The following AHCYL2 variants were observed in gnomAD, a reference collection of about 807,000 sequenced individuals.
The protein encoded by AHCYL2 is adenosylhomocysteinase like 2, also known as S-adenosylhomocysteine hydrolase-like protein 2.
Under a neutral mutation model 81.4 loss-of-function variants are expected in AHCYL2, and 28 were observed. The observed-to-expected ratio is 0.34, with a 90% confidence interval of 0.25 to 0.47. The LOEUF is 0.47. Among genes scored for constraint, AHCYL2 ranks in the 20% least tolerant of loss-of-function variants. The probability of loss-of-function intolerance (pLI) is 1.00; values close to 1 mark genes in which losing one functional copy is unlikely to be tolerated. For missense variants in AHCYL2, 551 were observed against 785.1 expected (o/e 0.70, Z 3.56); for synonymous variants, 272 against 290.2 (o/e 0.94, Z 0.64).
Position 129,337,165 on chromosome 7 carries a change from C to T in AHCYL2, c.364-42473C>T, listed in dbSNP as rs138520119. The stretch of plus-strand genomic sequence containing the variant: ...GTTTTTTATCATCTCTTCTCCCCTA[C>T]TTGCCCAGTTTTCCCCTAAGGCTAT... On this transcript the variant is annotated intron_variant, in intron 1 of 16. Coordinates refer to ENST00000325006, the MANE Select transcript of AHCYL2 (RefSeq NM_015328.4). 6.7e-4 allele frequency among the ~76,000 whole-genome samples: 102 copies of T among 152,310 alleles called. No homozygotes were observed. In the East Asian group the frequency reaches 0.018, roughly 26 times the overall value.
intron 1 of AHCYL2, among the ~76,000 whole-genome samples, chr7:129,284,453 G>T (rs1796555895): frequency 6.6e-6 from 1 of 152,096 alleles, no homozygotes; most frequent in African/African-American, 2.4e-5. Flanking sequence ...AAAAAAATTA[G>T]CTGGGCATGG....
chr7:129,268,803 C>T lies in AHCYL2; in HGVS notation c.363+43364C>T, dbSNP rs189062036. Among the ~76,000 whole-genome samples the T allele has an allele frequency of 6.5e-3, 997 of 152,248 alleles. 11 individuals carry two copies. The highest frequency in any genetic ancestry group is 0.023 in the African/African-American group (947 of 41,538). Reference sequence around the variant, plus strand: ...TTTTGAAAATAAGTAGACCTCTTTACTTTTTAAAAGTAACTTTATTGAGAT... The same window carrying T: ...TTTTGAAAATAAGTAGACCTCTTTATTTTTTAAAAGTAACTTTATTGAGAT... On this transcript the variant is annotated intron_variant, in intron 1 of 16. Coordinates refer to ENST00000325006, the MANE Select transcript of AHCYL2 (RefSeq NM_015328.4).
intron 12 of AHCYL2, among the ~76,000 whole-genome samples, chr7:129,418,558 C>T (rs1025258684): frequency 3.3e-5 from 5 of 152,220 alleles, no homozygotes; most frequent in Admixed American, 2.0e-4. Context: ...CTCGGCCTCC[C>T]GAAATGCTGG....
chr7:129,384,524 A>G (rs111767955), intron 2 of AHCYL2, among the ~76,000 whole-genome samples: 5 of 152,146 alleles, frequency 3.3e-5, no homozygotes, highest in African/African-American at 1.2e-4. Flanking sequence ...TGAGGTCCCT[A>G]ATATACTCAG....
intron 11 of AHCYL2, among the ~76,000 whole-genome samples, 180 bp downstream of exon 11, chr7:129,409,726 C>A (rs118184137): frequency 6.6e-6 from 1 of 152,146 alleles, no homozygotes; most frequent in Non-Finnish European, 1.5e-5. Flanking sequence ...CAAAGGTATA[C>A]GATTAGGTTA....
intron 1 of AHCYL2, among the ~76,000 whole-genome samples, chr7:129,245,497 CA>C (rs1257836923): frequency 5.9e-5 from 9 of 152,156 alleles, no homozygotes; most frequent in Non-Finnish European, 1.3e-4. Flanking sequence ...ACCCATTAAA[CA>C]GTAACTCTCC....
chr7:129,425,744 G>A (rs1033146696), intron 15 of AHCYL2, among the ~76,000 whole-genome samples: 1 of 152,210 alleles, frequency 6.6e-6, no homozygotes. Flanking sequence ...TAATAAATAA[G>A]CTTCTGGTTT....
chr7:129,230,151 C>T (rs1249094332), intron 1 of AHCYL2, among the ~76,000 whole-genome samples: 1 of 143,616 alleles, frequency 7.0e-6, no homozygotes. Context: ...GTGGCGATCT[C>T]GGCTCACTGA....
chr7:129,291,550 A>G (rs924049519), intron 1 of AHCYL2, among the ~76,000 whole-genome samples: 1 of 145,536 alleles, frequency 6.9e-6, no homozygotes, highest in Non-Finnish European at 1.5e-5. Context: ...GGTGGTATTC[A>G]TAAAAGAATT....
chr7:129,405,002 C>A, intron 7 of AHCYL2, 95 bp from the exon 8 acceptor site: 1 of 693,694 alleles, frequency 1.4e-6, no homozygotes, highest in Non-Finnish European at 2.4e-6. Flanking sequence ...TGGTCTCATG[C>A]CTACCCAATC....
chr7:129,340,297 G>T (rs1457383375), intron 1 of AHCYL2, among the ~76,000 whole-genome samples: 1 of 149,982 alleles, frequency 6.7e-6, no homozygotes, highest in Non-Finnish European at 1.5e-5. Context: ...GCCGGGCGCG[G>T]TGGCTCACGC....
chr7:129,401,262 G>A (rs1294058532), intron 6 of AHCYL2, among the ~76,000 whole-genome samples: 1 of 151,364 alleles, frequency 6.6e-6, no homozygotes, highest in African/African-American at 2.4e-5. Context: ...CCCAGGAGGT[G>A]GAGGTTGCAG....
chr7:129,336,676 T>G (rs948790716), intron 1 of AHCYL2, among the ~76,000 whole-genome samples: 1 of 152,066 alleles, frequency 6.6e-6, no homozygotes, highest in Non-Finnish European at 1.5e-5. Flanking sequence ...AGGTGAGCAG[T>G]GAGATCCAGA....
chr7:129,426,560 A>G lies in AHCYL2; in HGVS notation c.1826A>G (p.Tyr609Cys). 6.2e-7 allele frequency: 1 copy of G among 1,613,448 alleles called. No homozygotes were observed. The highest frequency in any genetic ancestry group is 8.5e-7 in the Non-Finnish European group (1 of 1,179,712). ...NKNGPFKPNY[Y>C]RY ...AATGGGCCCTTCAAGCCTAATTACTACAGGTGCCTTGGGCTCCCCAGAAAT... is the reference window on the plus strand; with the variant it reads ...AATGGGCCCTTCAAGCCTAATTACTGCAGGTGCCTTGGGCTCCCCAGAAAT... Residue 609 changes from tyrosine to cysteine, a missense_variant, in exon 16 of 17, where the codon TAC (tyrosine) becomes TGC (cysteine). Around this residue, in one of 2 missense-constraint regions of AHCYL2, gnomAD observed 316 missense variants for 543.1 expected, o/e 0.58. Transcript: ENST00000325006. The surrounding 1 kb of genome is among the most constrained non-coding windows in gnomAD (Gnocchi z 4.3).
intron 1 of AHCYL2, among the ~76,000 whole-genome samples, chr7:129,267,733 A>G (rs1446841534): frequency 1.3e-5 from 2 of 152,288 alleles, no homozygotes; most frequent in East Asian, 1.9e-4. Flanking sequence ...TAAGGACCTG[A>G]CCCTAAGATA....
At chr7:129,227,162 A>G (rs1369373724) in intron 1 of AHCYL2, among the ~76,000 whole-genome samples, 1 of 152,168 alleles carries the variant, frequency 6.6e-6, no homozygotes, top group Non-Finnish European at 1.5e-5. Flanking sequence ...GATTAGAAAT[A>G]TTTGTAAAAG....
intron 1 of AHCYL2, among the ~76,000 whole-genome samples, chr7:129,272,710 A>T (rs1458897368): frequency 6.6e-6 from 1 of 152,216 alleles, no homozygotes; most frequent in Non-Finnish European, 1.5e-5. Flanking sequence ...GGAGATTTCT[A>T]GGCAGAATGT....
At chr7:129,332,620 G>A (rs1233639225) in intron 1 of AHCYL2, among the ~76,000 whole-genome samples, 2 of 152,212 alleles carry the variant, frequency 1.3e-5, no homozygotes, top group Non-Finnish European at 2.9e-5. Flanking sequence ...CTTTTCACTA[G>A]AAAATCCTTC....
intron 5 of AHCYL2, 103 bp from the exon 6 acceptor site, chr7:129,400,187 T>G: frequency 2.1e-6 from 2 of 955,362 alleles, no homozygotes; most frequent in Non-Finnish European, 3.3e-6. Flanking sequence ...TATAGCAGAA[T>G]GAGAGAGTTG....
Sources: allele counts gnomAD v4.1 joint callset (sites outside exome capture counted in the v4.1 genomes callset), GRCh38; gene constraint gnomAD v4.1.1; regional missense constraint gnomAD v4.1.1; non-coding constraint Gnocchi (gnomAD v3.1); transcripts MANE v1.5; gene names NCBI Gene and HGNC (gene_info 2026-07-23, HGNC 2026-07-21).